MOB3A: variants seen among roughly 807,000 people sequenced by gnomAD.
MOB3A encodes MOB LAK.
MOB3A carries 17 observed loss-of-function variants against 17.8 expected under a neutral mutation model. The ratio of observed to expected loss-of-function variants is 0.95; its 90% CI spans 0.65 to 1.43. The LOEUF is 1.43. MOB3A is among the 40% of genes most tolerant of loss of function. The pLI, the probability that MOB3A is intolerant of heterozygous loss-of-function variation, is 0.00. For missense variants in MOB3A, 333 were observed against 310.8 expected, an observed-to-expected ratio of 1.07 and a Z score of -0.54; for synonymous variants, 124 against 133.2, an observed-to-expected ratio of 0.93 and a Z score of 0.48.
chr19:2,084,977 G>C (rs1157339203), intron 2 of MOB3A, among the ~76,000 whole-genome samples, 198 bp downstream of exon 2: 1 of 151,526 alleles, frequency 6.6e-6, no homozygotes, highest in African/African-American at 2.4e-5. Flanking sequence ...TCCCACCTCA[G>C]CCTCCCAAAG....
intron 1 of MOB3A, among the ~76,000 whole-genome samples, chr19:2,094,886 G>A (rs1415862874): frequency 6.6e-6 from 1 of 152,212 alleles, no homozygotes; most frequent in African/African-American, 2.4e-5. Flanking sequence ...AAAAAGCAGT[G>A]TGGGCCGGGC....
At chr19:2,077,184 T>A (rs1010795444) in intron 3 of MOB3A, among the ~76,000 whole-genome samples, 171 bp from the exon 4 acceptor site, 5 of 152,086 alleles carry the variant, frequency 3.3e-5, no homozygotes, top group Admixed American at 6.5e-5. Context: ...GCAGATCACT[T>A]GAGGTCTGGA....
chr19:2,072,943 A>C lies in MOB3A; in HGVS notation c.*452T>G. ...GCCTCTTGCCTCCCCAACGGGAGAC[A>C]TGTAGGAGGCCGAGCAAGCTGGGTG... On this transcript the variant is annotated 3_prime_UTR_variant, in exon 5 of 5. Transcript: ENST00000357066. 5.9e-6 allele frequency: 1 copy of C among 170,734 alleles called. No homozygotes were observed. Among genetic ancestry groups the C allele is most frequent in the Non-Finnish European group, 1.3e-5 (1 of 79,688 alleles). 10.6% of individuals were successfully genotyped at this position (170,734 alleles called of 1,614,324 possible).
intron 4 of MOB3A, among the ~76,000 whole-genome samples, chr19:2,076,583 A>C (rs1400467255): frequency 6.6e-6 from 1 of 152,200 alleles, no homozygotes; most frequent in Admixed American, 6.5e-5. Flanking sequence ...GGCGGCGCGG[A>C]GGAAACTGCA....
chr19:2,095,742 C>CT (rs1568259939), intron 1 of MOB3A, among the ~76,000 whole-genome samples: 1 of 151,168 alleles, frequency 6.6e-6, no homozygotes, highest in Non-Finnish European at 1.5e-5. Flanking sequence ...TTCCTTTTTT[C>CT]TTTTTTCTTT....
intron 3 of MOB3A, 58 bp from the exon 4 acceptor site, chr19:2,077,071 C>G (rs965737297): frequency 8.1e-6 from 12 of 1,482,684 alleles, no homozygotes; most frequent in Admixed American, 1.9e-5. Flanking sequence ...GTCCAGAACC[C>G]TTTGCTCCTG....
chr19:2,083,413 AC>A (rs1275313214), intron 2 of MOB3A, among the ~76,000 whole-genome samples: 1 of 152,122 alleles, frequency 6.6e-6, no homozygotes, highest in Non-Finnish European at 1.5e-5. Context: ...AGGCCACACC[AC>A]CTGCAGCACA....
intron 1 of MOB3A, 61 bp downstream of exon 1, chr19:2,096,165 C>T (rs2017690540): frequency 2.0e-5 from 3 of 153,792 alleles, no homozygotes; most frequent in African/African-American, 7.2e-5. Context: ...CTAAGTTCAC[C>T]CCTCCCGGGC....
chr19:2,088,006 C>T (rs1453208655), intron 1 of MOB3A, among the ~76,000 whole-genome samples: 1 of 152,208 alleles, frequency 6.6e-6, no homozygotes. Context: ...CCAGTCTCGC[C>T]TCCTCGTGGC....
chr19:2,079,549 G>A (rs1347378159), intron 2 of MOB3A, among the ~76,000 whole-genome samples: 1 of 152,216 alleles, frequency 6.6e-6, no homozygotes, highest in East Asian at 1.9e-4. Flanking sequence ...CCAGGATGCT[G>A]GCCACCGCCA....
intron 2 of MOB3A, among the ~76,000 whole-genome samples, chr19:2,078,960 A>C (rs954811381): frequency 5.3e-5 from 8 of 152,084 alleles, no homozygotes; most frequent in African/African-American, 2.4e-5. Context: ...AGGTCTCACT[A>C]TGTTGCCCAG....
chr19:2,073,571 G>A, intron 4 of MOB3A, 147 bp from the exon 5 acceptor site: 1 of 1,013,572 alleles, frequency 9.9e-7, no homozygotes, highest in Non-Finnish European at 1.5e-6. Flanking sequence ...CACAGGCAAT[G>A]GCACACCTGA....
chr19:2,088,966 T>C (rs965918846), intron 1 of MOB3A, among the ~76,000 whole-genome samples: 21 of 152,170 alleles, frequency 1.4e-4, no homozygotes, highest in African/African-American at 5.1e-4. Context: ...TAGTACACAG[T>C]GACTGTAGTT....
chr19:2,085,012 C>G (rs1296439835), intron 2 of MOB3A, among the ~76,000 whole-genome samples, 163 bp downstream of exon 2: 2 of 152,144 alleles, frequency 1.3e-5, no homozygotes, highest in East Asian at 3.9e-4. Flanking sequence ...ACGTGAGCCA[C>G]CATGTCCGGC....
At chr19:2,091,533 G>T (rs191637137) in intron 1 of MOB3A, among the ~76,000 whole-genome samples, 20,257 of 151,460 alleles carry the variant, frequency 0.13, 1,480 homozygotes, top group South Asian at 0.17. Flanking sequence ...ACAGGCGCCC[G>T]CCACTACGCC....
rs772988384 is a variant in MOB3A, at chr19:2,078,263, G to A, written c.298C>T (p.Arg100Cys). 9 of 1,614,084 alleles carry A rather than the reference G, an allele frequency of 5.6e-6. No individual in the cohort carries two copies. The highest frequency in any genetic ancestry group is 1.6e-4 in the Middle Eastern group (1 of 6,062). ...CGGAACTTATGCTCATCCTGCCAGC[G>A]GTACTCATACTTGGGGCCCCCCGAC... ...VMSGGPKYEY[R>C]WQDEHKFRKP... The change falls in exon 3 of 5, where the codon CGC becomes TGC. Residue 100 changes from arginine (R) to cysteine (C), a missense_variant. Transcript: ENST00000357066.
Position 2,076,913 on chromosome 19 carries a change from G to A in MOB3A, c.522C>T (p.Ile174=), listed in dbSNP as rs1202931475. 2.5e-6 allele frequency: 4 copies of A among 1,613,956 alleles called. No individual in the cohort carries two copies. The highest frequency in any genetic ancestry group is 2.2e-5 in the East Asian group (1 of 44,900). The change falls in exon 4 of 5, where the codon ATC becomes ATT. Residue 174 remains isoleucine (I), a synonymous_variant. Transcript: ENST00000357066. ...VHVYIHHFDR[I]AQMGSEAHVN... ...CGTGGGCCTCGGAGCCCATCTGCGC[G>A]ATGCGGTCAAAGTGGTGGATGTAGA...
rs1280432212 is a variant in MOB3A, at chr19:2,073,207, G to A, written c.*188C>T. ...AGTCCCAGACGGGAGACTGAGGCTC[G>A]AGACTGAGGAAGGCATCTGCCGTCC... On this transcript the variant is annotated 3_prime_UTR_variant, in exon 5 of 5. Transcript: ENST00000357066. The A allele has an allele frequency of 1.2e-5, 8 of 675,550 alleles. No homozygotes were observed. Among genetic ancestry groups the A allele is most frequent in the African/African-American group, 5.4e-5 (3 of 55,856 alleles). 41.8% of individuals were successfully genotyped at this position (675,550 alleles called of 1,614,324 possible).
In MOB3A at chr19:2,073,212, T is replaced by C. The variant is rs1221184234; in HGVS notation, c.*183A>G. ...CAGACGGGAGACTGAGGCTCGAGAC[T>C]GAGGAAGGCATCTGCCGTCCGGGGT... is the stretch of plus-strand genomic sequence containing the variant. On this transcript the variant is annotated 3_prime_UTR_variant, in exon 5 of 5. Transcript: ENST00000357066. The C allele has an allele frequency of 2.9e-6, 2 of 688,228 alleles. No individual in the cohort carries two copies. The highest frequency in any genetic ancestry group is 5.1e-6 in the Non-Finnish European group (2 of 391,228). 42.6% of individuals were successfully genotyped at this position (688,228 alleles called of 1,614,324 possible).
Sources: gnomAD v4.1 joint callset for allele counts (sites outside exome capture counted in the v4.1 genomes callset) on GRCh38, gnomAD v4.1.1 for gene constraint, MANE v1.5 for transcripts, NCBI Gene and HGNC (gene_info 2026-07-23, HGNC 2026-07-21) for gene names.